SAMD12: variants seen among roughly 807,000 people sequenced by gnomAD.
SAMD12 encodes the protein sterile alpha motif domain-containing protein 12.
Under a neutral mutation model 15.0 loss-of-function variants are expected in SAMD12, and 9 were observed. The ratio of observed to expected loss-of-function variants is 0.60; its 90% CI spans 0.36 to 1.05. SAMD12 has a LOEUF of 1.05. Ranked by LOEUF, SAMD12 falls within the 50% of genes least tolerant of loss-of-function variation. The pLI, the probability that SAMD12 is intolerant of heterozygous loss-of-function variation, is 0.01. For missense variants in SAMD12, 230 were observed against 234.2 expected, an observed-to-expected ratio of 0.98 and a Z score of 0.12; for synonymous variants, 86 against 90.1, an observed-to-expected ratio of 0.96 and a Z score of 0.25.
At chr8:118,280,554 T>C (rs926810245) in intron 4 of SAMD12, among the ~76,000 whole-genome samples, 7 of 152,120 alleles carry the variant, frequency 4.6e-5, no homozygotes, top group Non-Finnish European at 7.3e-5. Context: ...TCATACATGA[T>C]ACATGATAGT....
the SAMD12 span, among the ~76,000 whole-genome samples, chr8:118,174,304 C>G: frequency 3.9e-5 from 6 of 152,132 alleles, no homozygotes. Context: ...TTTTGCAGAT[C>G]CTCAGGATGT....
At chr8:118,197,875 T>C (rs371365843) in intron 4 of SAMD12, 25 of 775,468 alleles carry the variant, frequency 3.2e-5, no homozygotes, top group African/African-American at 2.3e-4. Context: ...GGTTACTCAA[T>C]GCCAGGATGG....
At chr8:118,238,321 A>G (rs1812480619) in intron 4 of SAMD12, among the ~76,000 whole-genome samples, 1 of 152,130 alleles carries the variant, frequency 6.6e-6, no homozygotes, top group Non-Finnish European at 1.5e-5. Flanking sequence ...TAGTAGCCAG[A>G]ATTTTCCTTT....
At chr8:118,147,966 C>T in the SAMD12 span, among the ~76,000 whole-genome samples, 1 of 151,288 alleles carries the variant, frequency 6.6e-6, no homozygotes, top group African/African-American at 2.4e-5. Flanking sequence ...AGATGGATTC[C>T]ACCCAAGCTG....
At chr8:118,271,435 A>T (rs960453292) in intron 4 of SAMD12, among the ~76,000 whole-genome samples, 21 of 152,116 alleles carry the variant, frequency 1.4e-4, no homozygotes, top group Admixed American at 2.0e-4. Context: ...ATGGAGACAC[A>T]CCCAAACCAT....
Position 118,621,725 on chromosome 8 carries a change from C to T in SAMD12, c.13+79G>A, listed in dbSNP as rs1586865526. On this transcript the variant is annotated intron_variant, in intron 1 of 3. Transcript: ENST00000314727. ...CCCCCTTTCCTCGCCTCCCCACGATCGCCAAGCTTCATCGGGGATGTGTGC... is the reference window on the plus strand; with the variant it reads ...CCCCCTTTCCTCGCCTCCCCACGATTGCCAAGCTTCATCGGGGATGTGTGC... 24 of 1,532,708 alleles carry T rather than the reference C, an allele frequency of 1.6e-5. No individual in the cohort carries two copies. The East Asian group carries it at 5.2e-4, about 33-fold the overall frequency. 94.9% of individuals were successfully genotyped at this position (1,532,708 alleles called of 1,614,324 possible).
intron 4 of SAMD12, among the ~76,000 whole-genome samples, chr8:118,341,911 G>A (rs1371421061): frequency 6.6e-6 from 1 of 152,222 alleles, no homozygotes; most frequent in African/African-American, 2.4e-5. Context: ...AACCGTCTGT[G>A]TGGCAGACAT....
At chr8:118,170,783 A>T in the SAMD12 span, among the ~76,000 whole-genome samples, 1 of 152,308 alleles carries the variant, frequency 6.6e-6, no homozygotes. Flanking sequence ...TGGTTTGTTG[A>T]ATAGAACAAT....
intron 2 of SAMD12, among the ~76,000 whole-genome samples, chr8:118,469,545 T>TATAATATATAAATATA (rs376346512): frequency 9.1e-4 from 2 of 2,208 alleles, no homozygotes; most frequent in Non-Finnish European, 4.6e-3. Flanking sequence ...ATATATTATA[T>TATAATATATAAATATA]TATTATATAT....
intron 4 of SAMD12, among the ~76,000 whole-genome samples, chr8:118,301,719 G>A (rs572209992): frequency 2.0e-5 from 3 of 152,158 alleles, no homozygotes; most frequent in Non-Finnish European, 4.4e-5. Flanking sequence ...AAGTCTTACA[G>A]GCTCCTGAAC....
chr8:118,200,193 C>T (rs149236781), intron 4 of SAMD12, among the ~76,000 whole-genome samples: 1 of 152,070 alleles, frequency 6.6e-6, no homozygotes, highest in Non-Finnish European at 1.5e-5. Context: ...ACCTCTTTTC[C>T]TTTATAATTT....
At chr8:118,333,720 C>T (rs1303509263) in intron 4 of SAMD12, among the ~76,000 whole-genome samples, 1 of 152,184 alleles carries the variant, frequency 6.6e-6, no homozygotes, top group Non-Finnish European at 1.5e-5. Context: ...CCATTCTCCT[C>T]TAGCCTCCTC....
At chr8:118,541,140 T>C (rs1381884935) in intron 2 of SAMD12, among the ~76,000 whole-genome samples, 1 of 152,204 alleles carries the variant, frequency 6.6e-6, no homozygotes, top group Non-Finnish European at 1.5e-5. Context: ...CTATATTGTG[T>C]GTTATTTCAT....
intron 4 of SAMD12, among the ~76,000 whole-genome samples, chr8:118,218,749 T>G (rs1460453095): frequency 6.6e-6 from 1 of 152,160 alleles, no homozygotes; most frequent in African/African-American, 2.4e-5. Flanking sequence ...TATACCACAT[T>G]TTTTTAAAAT....
Position 118,548,384 on chromosome 8 carries a change from T to TACACACACAC in SAMD12, c.192+32321_192+32330dup, listed in dbSNP as rs36228827. On this transcript the variant is annotated intron_variant, in intron 2 of 3. Transcript: ENST00000314727. ...ATACCCTTTACACTAAAAACACACA[T>TACACACACAC]ACACACACACACACACACACACACA... is the stretch of plus-strand genomic sequence containing the variant. Among the ~76,000 whole-genome samples the TACACACACAC allele has an allele frequency of 8.0e-4, 112 of 139,910 alleles. 2 individuals are homozygous for TACACACACAC. The highest frequency in any genetic ancestry group is 7.2e-3 in the East Asian group (35 of 4,866). The allele number at this position is 139,910 out of a possible 152,430, so 91.8% of individuals were successfully genotyped here. A position where few individuals can be genotyped will look rare whatever the true frequency, so the allele number is the denominator to read the frequency against.
the SAMD12 span, among the ~76,000 whole-genome samples, chr8:118,135,650 C>T: frequency 3.9e-5 from 6 of 152,034 alleles, no homozygotes; most frequent in Non-Finnish European, 5.9e-5. Context: ...TCAGGTAATC[C>T]TCTCACCTCA....
chr8:118,328,859 T>C (rs1316838498), intron 4 of SAMD12, among the ~76,000 whole-genome samples: 2 of 152,170 alleles, frequency 1.3e-5, no homozygotes, highest in African/African-American at 4.8e-5. Flanking sequence ...CTAGCCATCT[T>C]TTTTGTTTCT....
At chr8:118,209,074 A>G (rs1199887219) in intron 4 of SAMD12, among the ~76,000 whole-genome samples, 1 of 152,208 alleles carries the variant, frequency 6.6e-6, no homozygotes, top group Non-Finnish European at 1.5e-5. Flanking sequence ...ATCTTATGAG[A>G]AATAGTTCCT....
chr8:118,316,822 T>G (rs1443963268), intron 4 of SAMD12, among the ~76,000 whole-genome samples: 4 of 149,836 alleles, frequency 2.7e-5, no homozygotes, highest in African/African-American at 4.9e-5. Context: ...AAAAGTTTTT[T>G]TTTTTTTTTT....
Sources: allele counts gnomAD v4.1 joint callset (sites outside exome capture counted in the v4.1 genomes callset), GRCh38; gene constraint gnomAD v4.1.1; transcripts MANE v1.5; gene names NCBI Gene and HGNC (gene_info 2026-07-23, HGNC 2026-07-21).